Variants in LINGO3 observed in about 807,000 individuals in gnomAD.
LINGO3 encodes leucine rich repeat and Ig domain containing 3.
For missense variants in LINGO3, 750 were observed against 867.7 expected (o/e 0.86, Z 1.70); for synonymous variants, 427 against 444.2 (o/e 0.96, Z 0.49).
exon 1 of LINGO3, chr19:2,289,903 G>T: frequency 9.4e-7 from 1 of 1,063,318 alleles, no homozygotes; most frequent in Non-Finnish European, 1.3e-6. Flanking sequence ...GGAGCGCCGT[G>T]CAGCCGTCCC....
upstream of LINGO3, among the ~76,000 whole-genome samples, chr19:2,294,231 C>A (rs1201444560): frequency 6.6e-6 from 1 of 152,106 alleles, no homozygotes; most frequent in Non-Finnish European, 1.5e-5. The surrounding 1 kb of genome is among the most constrained non-coding windows in gnomAD (Gnocchi z 4.3). Flanking sequence ...ACACACCTAG[C>A]CCTATACAGG....
downstream of LINGO3, among the ~76,000 whole-genome samples, chr19:2,288,399 T>C (rs987240861): frequency 1.3e-5 from 2 of 152,212 alleles, no homozygotes; most frequent in South Asian, 2.1e-4. The surrounding 1 kb of genome is among the most constrained non-coding windows in gnomAD (Gnocchi z 6.5). Context: ...GAGCCACGGG[T>C]CAGCAGGGCC....
chr19:2,291,655 G>A, exon 1 of LINGO3: 2 of 1,402,504 alleles, frequency 1.4e-6, no homozygotes, highest in Non-Finnish European at 9.2e-7. Context: ...GCGGCGGCGC[G>A]TGCAGGCCAC....
chr19:2,290,455 C>A lies in LINGO3; in HGVS notation c.1322G>T (p.Trp441Leu). The change falls in exon 1 of 1, where the codon TGG becomes TTG. Residue 441 changes from tryptophan (W) to leucine (L), a missense_variant. By Grantham distance (61) the Trp-to-Leu change is moderately conservative. Transcript: ENST00000585527. This position sits in a 1 kb window ranked among gnomAD's most constrained non-coding sequence, Gnocchi z 6.0. ...CACCGGCCGGTGCTGGGGGGTCACC[C>A]AGGCCACGGTGGGCGCCGGCTCGCC... The A allele has an allele frequency of 6.9e-7, 1 of 1,451,110 alleles. No homozygotes were observed. The highest frequency in any genetic ancestry group is 1.4e-5 in the South Asian group (1 of 71,504). The allele number at this position is 1,451,110 out of a possible 1,614,324, so 89.9% of individuals were successfully genotyped here.
chr19:2,304,939 T>C, the LINGO3 span, among the ~76,000 whole-genome samples: 20,826 of 151,796 alleles, frequency 0.14, 2,042 homozygotes, highest in African/African-American at 0.26. Flanking sequence ...GAACTCCTGA[T>C]CTCCAGTGAT....
In LINGO3 at chr19:2,290,390, C is replaced by T; in HGVS notation, c.1387G>A (p.Gly463Arg). The T allele has an allele frequency of 1.4e-6, 2 of 1,457,432 alleles. No individual in the cohort carries two copies. The highest frequency in any genetic ancestry group is 5.9e-5 in the East Asian group (2 of 33,946). 90.3% of individuals were successfully genotyped at this position (1,457,432 alleles called of 1,614,324 possible). Residue 463 changes from glycine (G) to arginine (R), a missense_variant, in exon 1 of 1, where the codon GGG (glycine) becomes AGG (arginine). By Grantham distance (125) the Gly-to-Arg change is moderately radical. Coordinates refer to ENST00000585527, the Ensembl canonical transcript of LINGO3. The surrounding 1 kb of genome is among the most constrained non-coding windows in gnomAD (Gnocchi z 6.0). ...CGCGCGTCCTGGATCTCCAGCGTCC[C>T]CCCGGGGAGCACGCGCGCCCGGCCC... is the stretch of plus-strand genomic sequence containing the variant.
At chr19:2,289,711 G>A (rs924833124), downstream of LINGO3, 2 of 335,112 alleles carry the variant, frequency 6.0e-6, no homozygotes, top group South Asian at 4.8e-5. Context: ...GTTGGTAGAC[G>A]GGAGCCCATC....
chr19:2,300,947 G>A, the LINGO3 span, among the ~76,000 whole-genome samples: 3 of 152,256 alleles, frequency 2.0e-5, no homozygotes, highest in East Asian at 3.9e-4. Context: ...GCTGAGAAGC[G>A]TCCCTGGCCT....
upstream of LINGO3, among the ~76,000 whole-genome samples, chr19:2,296,582 G>A (rs1414403894): frequency 5.3e-5 from 8 of 152,104 alleles, no homozygotes; most frequent in Admixed American, 2.0e-4. Flanking sequence ...GGGTTCAGGT[G>A]ATTATCCTGC....
chr19:2,292,597 C>A (rs2025536550), upstream of LINGO3, among the ~76,000 whole-genome samples: 4 of 151,656 alleles, frequency 2.6e-5, no homozygotes, highest in South Asian at 8.4e-4. Context: ...TCAAGCAATT[C>A]TCCTGCCTCA....
the LINGO3 span, among the ~76,000 whole-genome samples, chr19:2,300,856 C>A: frequency 6.6e-6 from 1 of 152,206 alleles, no homozygotes; most frequent in Admixed American, 6.5e-5. Context: ...CCAGCCCCTG[C>A]AAACCGCGGT....
chr19:2,303,244 C>T, the LINGO3 span, among the ~76,000 whole-genome samples: 1 of 152,194 alleles, frequency 6.6e-6, no homozygotes, highest in Admixed American at 6.5e-5. Context: ...CAGGGACTGG[C>T]GTCTTTCCCC....
Position 2,290,485 on chromosome 19 carries a change from G to A in LINGO3, c.1292C>T (p.Ala431Val). 1 of 1,481,408 alleles carries A rather than the reference G, an allele frequency of 6.8e-7. No homozygotes were observed. Among genetic ancestry groups the A allele is most frequent in the African/African-American group, 1.5e-5 (1 of 68,802 alleles). 91.8% of individuals were successfully genotyped at this position (1,481,408 alleles called of 1,614,324 possible). ...CACGGTGGGCGCCGGCTCGCCCTCGGCGCGGCAGAGGAAGCGGACGTCTTC... is the reference window on the plus strand; with the variant it reads ...CACGGTGGGCGCCGGCTCGCCCTCGACGCGGCAGAGGAAGCGGACGTCTTC... Residue 431 changes from alanine (A) to valine (V), a missense_variant, in exon 1 of 1, where the codon GCC (alanine) becomes GTC (valine). Transcript: ENST00000585527. This position sits in a 1 kb window ranked among gnomAD's most constrained non-coding sequence, Gnocchi z 6.0.
upstream of LINGO3, among the ~76,000 whole-genome samples, chr19:2,295,709 C>G (rs956547316): frequency 6.6e-6 from 1 of 152,160 alleles, no homozygotes; most frequent in Non-Finnish European, 1.5e-5. Context: ...GCACTCCAGC[C>G]TGGGCGACAA....
At chr19:2,302,951 C>G in the LINGO3 span, among the ~76,000 whole-genome samples, 2 of 152,256 alleles carry the variant, frequency 1.3e-5, no homozygotes, top group Non-Finnish European at 2.9e-5. Context: ...GTGCTGGAGG[C>G]ACAGCGGCTT....
chr19:2,297,374 T>G, the LINGO3 span, among the ~76,000 whole-genome samples: 5 of 140,772 alleles, frequency 3.6e-5, no homozygotes, highest in African/African-American at 5.2e-5. Context: ...GCATGATCTC[T>G]GTTCACTGCA....
At chr19:2,301,454 C>T in the LINGO3 span, among the ~76,000 whole-genome samples, 43 of 152,186 alleles carry the variant, frequency 2.8e-4, no homozygotes, top group Non-Finnish European at 5.0e-4. Flanking sequence ...CCAGAGTCCC[C>T]GGCGGGGCAG....
chr19:2,290,757 C>A lies in LINGO3; in HGVS notation c.1020G>T (p.Ser340=). The A allele has an allele frequency of 1.2e-6, 2 of 1,612,886 alleles. No individual in the cohort carries two copies. The highest frequency in any genetic ancestry group is 1.7e-6 in the Non-Finnish European group (2 of 1,179,634). ...CGCGCAGCGTCTCTAGCGTGTTCACCGAGTGGAAGGTGCTCTCCTCCAACG... is the reference window on the plus strand; with the variant it reads ...CGCGCAGCGTCTCTAGCGTGTTCACAGAGTGGAAGGTGCTCTCCTCCAACG... Residue 340 remains serine, a synonymous_variant, in exon 1 of 1, where the codon TCG becomes TCT. Coordinates refer to ENST00000585527, the Ensembl canonical transcript of LINGO3. This position sits in a 1 kb window ranked among gnomAD's most constrained non-coding sequence, Gnocchi z 6.0.
At chr19:2,294,897 C>T (rs902936450), upstream of LINGO3, among the ~76,000 whole-genome samples, 23 of 152,100 alleles carry the variant, frequency 1.5e-4, no homozygotes, top group African/African-American at 4.6e-4. This position sits in a 1 kb window ranked among gnomAD's most constrained non-coding sequence, Gnocchi z 4.3. Flanking sequence ...CCGCCTCCCC[C>T]GCCAGCCGGC....
Sources: gnomAD v4.1 joint callset for allele counts (sites outside exome capture counted in the v4.1 genomes callset) on GRCh38, gnomAD v4.1.1 for gene constraint, Gnocchi (gnomAD v3.1) non-coding constraint, MANE v1.5 for transcripts, NCBI Gene and HGNC (gene_info 2026-07-23, HGNC 2026-07-21) for gene names.